TXNDC11: variants seen among roughly 807,000 people sequenced by gnomAD.
TXNDC11 encodes the protein thioredoxin domain containing 11.
A neutral mutation model predicts 78.0 loss-of-function variants in TXNDC11; 68 were observed. That is an observed-to-expected ratio of 0.87 (90% CI 0.72 to 1.07). TXNDC11 has a LOEUF of 1.07. Ranked by LOEUF, TXNDC11 falls within the 50% of genes least tolerant of loss-of-function variation. The pLI is 0.00. For synonymous variants in TXNDC11, 571 were observed against 495.2 expected, an observed-to-expected ratio of 1.15 and a Z score of -2.03; for missense variants, 1,389 against 1,221.8, an observed-to-expected ratio of 1.14 and a Z score of -2.04.
chr16:11,721,841 C>T (rs544649564), intron 4 of TXNDC11, among the ~76,000 whole-genome samples, 171 bp from the exon 5 acceptor site: 1 of 152,240 alleles, frequency 6.6e-6, no homozygotes, highest in Admixed American at 6.5e-5. Context: ...GGTTGAACAT[C>T]CCCTCCATTT....
At chr16:11,689,374 A>T (rs1238131659) in intron 8 of TXNDC11, among the ~76,000 whole-genome samples, 4 of 152,376 alleles carry the variant, frequency 2.6e-5, no homozygotes, top group Admixed American at 2.6e-4. Context: ...AGAATTCATG[A>T]TCAGCATCTG....
At chr16:11,693,193 GTAATGC>G (rs1213459830) in intron 7 of TXNDC11, among the ~76,000 whole-genome samples, 5 of 152,152 alleles carry the variant, frequency 3.3e-5, no homozygotes, top group African/African-American at 1.2e-4. Flanking sequence ...GCAGCTCAGG[GTAATGC>G]ACACAATCCT....
Position 11,692,092 on chromosome 16 carries a change from A to T in TXNDC11, c.1108-10T>A. On this transcript the variant is annotated splice_polypyrimidine_tract_variant and intron_variant, in intron 7 of 11. Coordinates refer to ENST00000283033, the MANE Select transcript of TXNDC11 (RefSeq NM_015914.7). Reference sequence around the variant, plus strand: ...AGGCCACTTCGGTGATCTGAAATACAGGGCAGAGTTGGTGAAGGGCTTGGG... The same window carrying T: ...AGGCCACTTCGGTGATCTGAAATACTGGGCAGAGTTGGTGAAGGGCTTGGG... 1 of 1,516,172 alleles carries T rather than the reference A, an allele frequency of 6.6e-7. No individual in the cohort carries two copies. The allele number at this position is 1,516,172 out of a possible 1,614,324, so 93.9% of individuals were successfully genotyped here. A position where few individuals can be genotyped will look rare whatever the true frequency, so the allele number is the denominator to read the frequency against.
At chr16:11,740,623 C>T (rs2052363618) in intron 1 of TXNDC11, among the ~76,000 whole-genome samples, 1 of 152,232 alleles carries the variant, frequency 6.6e-6, no homozygotes, top group African/African-American at 2.4e-5. Flanking sequence ...AACACTCTAC[C>T]TTGTAAAATA....
intron 4 of TXNDC11, among the ~76,000 whole-genome samples, chr16:11,724,327 C>T (rs1393462274): frequency 6.6e-6 from 1 of 152,114 alleles, no homozygotes; most frequent in Admixed American, 6.6e-5. Flanking sequence ...GTAAGCACTA[C>T]TGATGTAGAA....
At chr16:11,695,901 G>A (rs1023690261) in intron 7 of TXNDC11, among the ~76,000 whole-genome samples, 3 of 152,038 alleles carry the variant, frequency 2.0e-5, no homozygotes, top group African/African-American at 7.3e-5. Flanking sequence ...CAGGCGTAGA[G>A]GCGTGCACCT....
chr16:11,687,768 G>A, intron 10 of TXNDC11, 89 bp downstream of exon 10: 1 of 877,556 alleles, frequency 1.1e-6, no homozygotes, highest in South Asian at 1.4e-5. Flanking sequence ...ATGGAAAATG[G>A]GCAGACCCTC....
chr16:11,716,833 A>G (rs2051540051), intron 5 of TXNDC11, among the ~76,000 whole-genome samples: 1 of 152,230 alleles, frequency 6.6e-6, no homozygotes, highest in Non-Finnish European at 1.5e-5. Flanking sequence ...TTTACAAAGT[A>G]AGAACTTAGA....
chr16:11,730,588 C>T (rs1251693508), intron 4 of TXNDC11, 57 bp downstream of exon 4: 3 of 1,567,324 alleles, frequency 1.9e-6, no homozygotes, highest in Non-Finnish European at 2.6e-6. Flanking sequence ...ACAAACAATC[C>T]AATACAACCC....
intron 10 of TXNDC11, 94 bp downstream of exon 10, chr16:11,687,763 A>C: frequency 1.2e-6 from 1 of 846,556 alleles, no homozygotes; most frequent in Non-Finnish European, 1.9e-6. Context: ...GGTTAATGGA[A>C]AATGGGCAGA....
chr16:11,703,246 GAT>G (rs1318221104), intron 5 of TXNDC11, among the ~76,000 whole-genome samples: 2 of 152,194 alleles, frequency 1.3e-5, no homozygotes, highest in Admixed American at 1.3e-4. Context: ...ATCTTGACTG[GAT>G]GCTGTAAAAC....
intron 9 of TXNDC11, 22 bp from the exon 10 acceptor site, chr16:11,687,988 T>C (rs372443032): frequency 6.5e-7 from 1 of 1,549,122 alleles, no homozygotes; most frequent in South Asian, 1.1e-5. Context: ...GGAAGACAGA[T>C]GTTACTTGCA....
chr16:11,701,128 CTTTTTTT>C (rs397855467), intron 5 of TXNDC11, among the ~76,000 whole-genome samples: 6 of 101,666 alleles, frequency 5.9e-5, no homozygotes, highest in African/African-American at 1.7e-4. Context: ...CCAATGTCCT[CTTTTTTT>C]TTTTTTTTTT....
intron 5 of TXNDC11, among the ~76,000 whole-genome samples, chr16:11,706,515 G>A (rs945457246): frequency 1.6e-4 from 24 of 152,342 alleles, no homozygotes; most frequent in Non-Finnish European, 7.3e-5. Flanking sequence ...GCTGTGCTTT[G>A]AGCAGAAATG....
chr16:11,679,840 GGA>G lies in TXNDC11; in HGVS notation c.2235-5_2235-4del, dbSNP rs766315173. The G allele has an allele frequency of 1.1e-5, 17 of 1,602,146 alleles. No individual in the cohort carries two copies. The highest frequency in any genetic ancestry group is 4.4e-5 in the South Asian group (4 of 90,360). ...GGTATTTCACACTTAGGTCCTTTCT[GGA>G]GAGAGAGGGAAAGGAAGCAAAGACA... On this transcript the variant is annotated splice_polypyrimidine_tract_variant and splice_region_variant and intron_variant, in intron 11 of 11. Transcript: ENST00000283033. This position sits in a 1 kb window ranked among gnomAD's most constrained non-coding sequence, Gnocchi z 4.6.
At chr16:11,725,545 T>G (rs1259803627) in intron 4 of TXNDC11, among the ~76,000 whole-genome samples, 2 of 152,278 alleles carry the variant, frequency 1.3e-5, no homozygotes, top group South Asian at 2.1e-4. Flanking sequence ...AGACAAGAAT[T>G]TGGGGAGCCA....
At chr16:11,681,337 C>T (rs1022861974) in intron 11 of TXNDC11, among the ~76,000 whole-genome samples, 2 of 152,228 alleles carry the variant, frequency 1.3e-5, no homozygotes, top group African/African-American at 4.8e-5. Context: ...AAAAAGCTGC[C>T]AAGATCCCTC....
chr16:11,713,950 T>C (rs1226937447), intron 5 of TXNDC11, among the ~76,000 whole-genome samples: 2 of 151,966 alleles, frequency 1.3e-5, no homozygotes, highest in African/African-American at 4.8e-5. Flanking sequence ...CCTGAGAAAA[T>C]AAAGCAATCT....
intron 8 of TXNDC11, chr16:11,690,759 A>G (rs1480042240): frequency 6.6e-6 from 1 of 150,982 alleles, no homozygotes; most frequent in East Asian, 1.9e-4. Context: ...ACGGGGTTTC[A>G]CCACATTAGC....
Sources: gnomAD v4.1 joint callset for allele counts (sites outside exome capture counted in the v4.1 genomes callset) on GRCh38, gnomAD v4.1.1 for gene constraint, Gnocchi (gnomAD v3.1) non-coding constraint, MANE v1.5 for transcripts, NCBI Gene and HGNC (gene_info 2026-07-23, HGNC 2026-07-21) for gene names.